The following PI16 variants were observed in gnomAD, a reference collection of about 807,000 sequenced individuals.
The protein encoded by PI16 is peptidase inhibitor 16.
Under a neutral mutation model 38.0 loss-of-function variants are expected in PI16, and 35 were observed. The ratio of observed to expected loss-of-function variants is 0.92; its 90% confidence interval spans 0.70 to 1.22. The LOEUF is 1.22. Ranked by LOEUF, PI16 falls within the 50% of genes most tolerant of loss-of-function variation. The probability of loss-of-function intolerance (pLI) is 0.00; values close to 1 mark genes in which losing one functional copy is unlikely to be tolerated. For synonymous variants in PI16, 275 were observed against 252.9 expected (o/e 1.09, Z -0.83); for missense variants, 572 against 593.8 (o/e 0.96, Z 0.38).
chr6:36,949,461 G>A (rs1763066328), intron 1 of PI16, among the ~76,000 whole-genome samples: 1 of 152,128 alleles, frequency 6.6e-6, no homozygotes, highest in Non-Finnish European at 1.5e-5. Flanking sequence ...TAAGTTGTCA[G>A]GAACTCACTG....
chr6:36,961,981 C>T lies in PI16; in HGVS notation c.592+7C>T, dbSNP rs1445557410. The T allele has an allele frequency of 6.2e-7, 1 of 1,610,292 alleles. No individual in the cohort carries two copies. Among genetic ancestry groups the T allele is most frequent in the South Asian group, 1.1e-5 (1 of 91,008 alleles). ...TGCAAGAACTCCCTCTGTGGTGAGT[C>T]CACGGGTGGATGGGTAGGGGCAGGG... On this transcript the variant is annotated splice_region_variant and intron_variant, in intron 4 of 6. Coordinates refer to ENST00000373674, the MANE Select transcript of PI16 (RefSeq NM_153370.3).
At chr6:36,960,157 T>C (rs557219963) in intron 2 of PI16, among the ~76,000 whole-genome samples, 1 of 152,320 alleles carries the variant, frequency 6.6e-6, no homozygotes, top group East Asian at 1.9e-4. Context: ...TTGACAATTT[T>C]GCTTAGTTTT....
upstream of PI16, among the ~76,000 whole-genome samples, chr6:36,951,547 G>A (rs1485019220): frequency 2.6e-5 from 4 of 152,118 alleles, no homozygotes; most frequent in South Asian, 2.1e-4. Flanking sequence ...CCACTGAATC[G>A]ACTTCAAATT....
chr6:36,963,550 A>G lies in PI16; in HGVS notation c.1208A>G (p.Asn403Ser), dbSNP rs1381118593. The change falls in exon 5 of 7, where the codon AAT (asparagine) becomes AGT (serine). Residue 403 changes from asparagine (N) to serine (S), a missense_variant. Physicochemically the swap from Asn to Ser is conservative, Grantham distance 46. Coordinates refer to ENST00000373674, the MANE Select transcript of PI16 (RefSeq NM_153370.3). ...TSSKSLPNFP[N>S]TSATANATGG... Reference sequence around the variant, plus strand: ...TCCAAGTCCCTGCCCAATTTCCCCAATACCTCTGCCACCGCTAATGCCACG... The same window carrying G: ...TCCAAGTCCCTGCCCAATTTCCCCAGTACCTCTGCCACCGCTAATGCCACG... The G allele has an allele frequency of 6.2e-7, 1 of 1,613,982 alleles. No homozygotes were observed. Among genetic ancestry groups the G allele is most frequent in the Non-Finnish European group, 8.5e-7 (1 of 1,180,008 alleles).
In PI16 at chr6:36,962,818, ATGTG is replaced by A. The variant is rs1561898218; in HGVS notation, c.593-111_593-108del. On this transcript the variant is annotated intron_variant, in intron 4 of 6. Coordinates refer to ENST00000373674, the MANE Select transcript of PI16 (RefSeq NM_153370.3). This position sits in a 1 kb window ranked among gnomAD's most constrained non-coding sequence, Gnocchi z 4.1. ...AGGGGCATATCAGCTGGAGAAGTGTATGTGTGTGTTTGTGTGTCCTGGTAGGACA... is the reference window on the plus strand; with the variant it reads ...AGGGGCATATCAGCTGGAGAAGTGTATGTGTTTGTGTGTCCTGGTAGGACA... The A allele has an allele frequency of 1.2e-6, 1 of 839,616 alleles. No homozygotes were observed. Among genetic ancestry groups the A allele is most frequent in the East Asian group, 2.6e-5 (1 of 38,096 alleles). 52.0% of individuals were successfully genotyped at this position (839,616 alleles called of 1,614,324 possible).
chr6:36,948,631 CT>C (rs1763050312), intron 1 of PI16, among the ~76,000 whole-genome samples: 1 of 53,200 alleles, frequency 1.9e-5, no homozygotes. Flanking sequence ...TCCTTCCTTC[CT>C]CCTTCCCTCC....
chr6:36,962,219 CG>C lies in PI16; in HGVS notation c.592+252del, dbSNP rs989149164. 6.6e-6 allele frequency among the ~76,000 whole-genome samples: 1 copy of C among 152,118 alleles called. No individual in the cohort carries two copies. Among genetic ancestry groups the C allele is most frequent in the East Asian group, 1.9e-4 (1 of 5,154 alleles). On this transcript the variant is annotated intron_variant, in intron 4 of 6. Transcript: ENST00000373674. This position sits in a 1 kb window ranked among gnomAD's most constrained non-coding sequence, Gnocchi z 4.1. The stretch of plus-strand genomic sequence containing the variant: ...AGGATGTTAGAAAGTCTGGCGGCTT[CG>C]GGGGGGCCCGCGCGAGGTGGGTGTC...
upstream of PI16, among the ~76,000 whole-genome samples, chr6:36,952,039 G>C (rs1763110693): frequency 6.7e-6 from 1 of 150,056 alleles, no homozygotes; most frequent in African/African-American, 2.5e-5. Context: ...CGTCACCCAG[G>C]CTGGAATGCG....
chr6:36,959,764 A>G (rs1313012530), intron 2 of PI16, among the ~76,000 whole-genome samples: 3 of 151,606 alleles, frequency 2.0e-5, no homozygotes, highest in Non-Finnish European at 2.9e-5. Context: ...GCTGCTCTGG[A>G]GGCGGAGGTG....
In PI16 at chr6:36,962,872, G is replaced by A. The variant is rs1763408970; in HGVS notation, c.593-63G>A. 1.1e-5 allele frequency: 16 copies of A among 1,427,790 alleles called. No individual in the cohort carries two copies. Among genetic ancestry groups the A allele is most frequent in the Non-Finnish European group, 1.4e-5 (15 of 1,047,698 alleles). The allele number at this position is 1,427,790 out of a possible 1,614,324, so 88.4% of individuals were successfully genotyped here. A position where few individuals can be genotyped will look rare whatever the true frequency, so the allele number is the denominator to read the frequency against. ...ATTTGGTCGCGTCACTTGGTTTGCA[G>A]TGCCATGAGAGATGTGGGGTCCTGC... On this transcript the variant is annotated intron_variant, in intron 4 of 6. Coordinates refer to ENST00000373674, the MANE Select transcript of PI16 (RefSeq NM_153370.3). This position sits in a 1 kb window ranked among gnomAD's most constrained non-coding sequence, Gnocchi z 4.1.
At chr6:36,949,241 C>T (rs919756647) in intron 1 of PI16, among the ~76,000 whole-genome samples, 1 of 152,132 alleles carries the variant, frequency 6.6e-6, no homozygotes, top group African/African-American at 2.4e-5. Flanking sequence ...CCTGCCTCAG[C>T]CTGCCAAGTA....
At chr6:36,957,360 T>C (rs1345644538) in intron 1 of PI16, among the ~76,000 whole-genome samples, 2 of 152,238 alleles carry the variant, frequency 1.3e-5, no homozygotes, top group African/African-American at 4.8e-5. Flanking sequence ...CCTCATCTTT[T>C]AACACTTAGC....
chr6:36,963,537 C>A lies in PI16; in HGVS notation c.1195C>A (p.Pro399Thr). 2.5e-6 allele frequency: 4 copies of A among 1,614,184 alleles called. No homozygotes were observed. The highest frequency in any genetic ancestry group is 3.4e-6 in the Non-Finnish European group (4 of 1,180,038). ...GGGGCACACCTCCTCCAAGTCCCTG[C>A]CCAATTTCCCCAATACCTCTGCCAC... Reference protein sequence around the residue: ...HTGHTSSKSLPNFPNTSATAN... With the variant: ...HTGHTSSKSLTNFPNTSATAN... The change falls in exon 5 of 7, where the codon CCC becomes ACC. Residue 399 changes from proline to threonine, a missense_variant. By Grantham distance (38) the Pro-to-Thr change is conservative (BLOSUM62 -1). Coordinates refer to ENST00000373674, the MANE Select transcript of PI16 (RefSeq NM_153370.3).
At position 36,961,919 on chromosome 6, in the gene PI16, G is replaced by A. The variant is rs1310392717; in HGVS notation, c.537G>A (p.Glu179=). ...TGAAGGGGAAACGGCCCTACCAGGA[G>A]GGGACTCCGTGCTCCCAATGTCCCT... ...GNVKGKRPYQ[E]GTPCSQCPSG... is the part of the protein sequence containing the mutation. Residue 179 remains glutamate, a synonymous_variant, in exon 4 of 7, where the codon GAG becomes GAA. Coordinates refer to ENST00000373674, the MANE Select transcript of PI16 (RefSeq NM_153370.3). 6.2e-7 allele frequency: 1 copy of A among 1,614,150 alleles called. No individual in the cohort carries two copies. The highest frequency in any genetic ancestry group is 8.5e-7 in the Non-Finnish European group (1 of 1,180,002).
chr6:36,958,502 C>T (rs1330796790), intron 1 of PI16, among the ~76,000 whole-genome samples: 2 of 152,182 alleles, frequency 1.3e-5, no homozygotes, highest in Non-Finnish European at 2.9e-5. Flanking sequence ...GGTGAGAGGC[C>T]TGTGACATTC....
rs1358403940 is a variant in PI16, at chr6:36,954,861, G to A, written c.101G>A (p.Arg34His). Residue 34 changes from arginine (R) to histidine (H), a missense_variant, in exon 1 of 7, where the codon CGT becomes CAT. Arg to His is a conservative substitution (Grantham distance 29). Coordinates refer to ENST00000373674, the MANE Select transcript of PI16 (RefSeq NM_153370.3). ...PVGALTDEEK[R>H]LMVELHNLYR... Reference sequence around the variant, plus strand: ...GGAGCCCTCACAGATGAGGAGAAACGTTTGATGGTGGAGCTGCACAACCTC... The same window carrying A: ...GGAGCCCTCACAGATGAGGAGAAACATTTGATGGTGGAGCTGCACAACCTC... The A allele has an allele frequency of 1.5e-5, 25 of 1,613,920 alleles. No homozygotes were observed. Among genetic ancestry groups the A allele is most frequent in the Middle Eastern group, 1.7e-4 (1 of 6,042 alleles).
Position 36,963,886 on chromosome 6 carries a change from G to T in PI16, c.1334G>T (p.Trp445Leu). The T allele has an allele frequency of 1.2e-6, 2 of 1,613,600 alleles. No homozygotes were observed. Among genetic ancestry groups the T allele is most frequent in the Admixed American group, 1.7e-5 (1 of 59,962 alleles). ...SGLNSGPGHV[W>L]GPLLGLLLLP... is the part of the protein sequence containing the mutation. ...CTGAACTCGGGCCCTGGTCATGTGT[G>T]GGGCCCTCTCCTGGGACTACTGCTC... The change falls in exon 6 of 7, where the codon TGG (tryptophan) becomes TTG (leucine). Residue 445 changes from tryptophan (W) to leucine (L), a missense_variant. Physicochemically the swap from Trp to Leu is moderately conservative, Grantham distance 61. Coordinates refer to ENST00000373674, the MANE Select transcript of PI16 (RefSeq NM_153370.3).
upstream of PI16, among the ~76,000 whole-genome samples, chr6:36,951,901 AAAC>A (rs985020827): frequency 6.6e-6 from 1 of 152,176 alleles, no homozygotes; most frequent in African/African-American, 2.4e-5. Flanking sequence ...CCTGTCTCAA[AAAC>A]AACAACAAAA....
intron 1 of PI16, among the ~76,000 whole-genome samples, chr6:36,949,610 GTCCCTTTC>G (rs1763068093): frequency 6.6e-6 from 1 of 152,066 alleles, no homozygotes; most frequent in South Asian, 2.1e-4. Flanking sequence ...CTCAAATAGC[GTCCCTTTC>G]TCCCCAGACT....
Sources: allele counts gnomAD v4.1 joint callset (sites outside exome capture counted in the v4.1 genomes callset), GRCh38; gene constraint gnomAD v4.1.1; non-coding constraint Gnocchi (gnomAD v3.1); transcripts MANE v1.5; gene names NCBI Gene and HGNC (gene_info 2026-07-23, HGNC 2026-07-21).